The following ZDHHC20 variants were observed in gnomAD, a reference collection of about 807,000 sequenced individuals.
ZDHHC20 encodes palmitoyltransferase ZDHHC20.
A neutral mutation model predicts 57.8 loss-of-function variants in ZDHHC20; 43 were observed. The observed-to-expected ratio is 0.74, with a 90% CI of 0.58 to 0.96. The LOEUF is 0.96. ZDHHC20 is among the 40% of genes least tolerant of loss of function. The pLI, the probability that ZDHHC20 is intolerant of heterozygous loss-of-function variation, is 0.00. For synonymous variants in ZDHHC20, 157 were observed against 153.0 expected, an observed-to-expected ratio of 1.03 and a Z score of -0.19; for missense variants, 391 against 441.1, an observed-to-expected ratio of 0.89 and a Z score of 1.02.
chr13:21,457,619 G>A (rs146155988), intron 1 of ZDHHC20, among the ~76,000 whole-genome samples: 117 of 152,314 alleles, frequency 7.7e-4, no homozygotes, highest in Admixed American at 1.5e-3. Flanking sequence ...TGCAGGGATA[G>A]TCGTCCCAAA....
intron 1 of ZDHHC20, among the ~76,000 whole-genome samples, chr13:21,439,940 G>A (rs1034475177): frequency 2.0e-5 from 3 of 151,768 alleles, no homozygotes; most frequent in Non-Finnish European, 2.9e-5. Flanking sequence ...GGTGGCATGC[G>A]CCTGTAATCC....
rs1221748640 is a variant in ZDHHC20, at chr13:21,374,350, G to A, written c.*2346C>T. ...AGTGATTCTCCTGCCTCCACCTCCC[G>A]AGTAGTTGGGACTACAGGCGTGTGC... On this transcript the variant is annotated 3_prime_UTR_variant, in exon 13 of 13. Transcript: ENST00000400590. The A allele has an allele frequency of 6.7e-6, 3 of 447,176 alleles. No homozygotes were observed. The highest frequency in any genetic ancestry group is 1.4e-5 in the Non-Finnish European group (3 of 221,100). The allele number at this position is 447,176 out of a possible 1,614,324, so 27.7% of individuals were successfully genotyped here. A position where few individuals can be genotyped will look rare whatever the true frequency, so the allele number is the denominator to read the frequency against.
intron 7 of ZDHHC20, among the ~76,000 whole-genome samples, chr13:21,398,622 G>T (rs143990104): frequency 1.1e-3 from 162 of 152,272 alleles, no homozygotes; most frequent in African/African-American, 3.2e-3. Context: ...CTATACCTCA[G>T]TTTCATACAG....
chr13:21,432,936 C>T (rs184391689), intron 1 of ZDHHC20, among the ~76,000 whole-genome samples: 9 of 152,288 alleles, frequency 5.9e-5, no homozygotes, highest in South Asian at 2.1e-4. Context: ...ACTGACTATA[C>T]GTGTAAGGGT....
intron 2 of ZDHHC20, among the ~76,000 whole-genome samples, chr13:21,424,018 T>C (rs994427326): frequency 6.6e-6 from 1 of 152,144 alleles, no homozygotes; most frequent in Non-Finnish European, 1.5e-5. Context: ...GAATATTTCC[T>C]TTCTTCATGA....
chr13:21,455,687 T>C (rs1884867223), intron 1 of ZDHHC20, among the ~76,000 whole-genome samples: 1 of 151,298 alleles, frequency 6.6e-6, no homozygotes. Flanking sequence ...ATTACACAAT[T>C]AGCAAGTTAC....
intron 5 of ZDHHC20, among the ~76,000 whole-genome samples, 168 bp downstream of exon 5, chr13:21,402,629 T>C (rs1044872870): frequency 1.3e-5 from 2 of 152,228 alleles, no homozygotes; most frequent in African/African-American, 4.8e-5. Context: ...TGTGAGTATA[T>C]TCCAGCTTTT....
chr13:21,435,932 C>T (rs1049918810), intron 1 of ZDHHC20, among the ~76,000 whole-genome samples: 3 of 152,168 alleles, frequency 2.0e-5, no homozygotes, highest in South Asian at 2.1e-4. Flanking sequence ...GCTAAGGGAG[C>T]AATCTCACTG....
chr13:21,392,490 C>G (rs1281780159), intron 7 of ZDHHC20, among the ~76,000 whole-genome samples: 2 of 152,184 alleles, frequency 1.3e-5, no homozygotes, highest in Non-Finnish European at 2.9e-5. Flanking sequence ...CTACTTTTTT[C>G]ATCTGTATGT....
At chr13:21,452,924 AAAG>A (rs759300126) in intron 1 of ZDHHC20, among the ~76,000 whole-genome samples, 14 of 152,222 alleles carry the variant, frequency 9.2e-5, no homozygotes, top group Non-Finnish European at 1.9e-4. Flanking sequence ...AAAATGGAAC[AAAG>A]AAGAGGACAG....
intron 4 of ZDHHC20, among the ~76,000 whole-genome samples, chr13:21,411,140 C>T (rs983471034): frequency 3.3e-5 from 5 of 152,180 alleles, no homozygotes; most frequent in Non-Finnish European, 5.9e-5. Flanking sequence ...TTGTGCTTCC[C>T]GGGTGAGGCG....
chr13:21,446,109 T>C (rs1236592209), intron 1 of ZDHHC20, among the ~76,000 whole-genome samples: 1 of 152,220 alleles, frequency 6.6e-6, no homozygotes, highest in Non-Finnish European at 1.5e-5. Context: ...TAGAGCCTTA[T>C]ATATTTTCAA....
chr13:21,391,630 T>G, intron 8 of ZDHHC20, 92 bp downstream of exon 8: 1 of 1,362,688 alleles, frequency 7.3e-7, no homozygotes, highest in South Asian at 1.4e-5. Flanking sequence ...TGTCTTACAC[T>G]TCTGTATCAT....
At chr13:21,435,252 G>A (rs1270386469) in intron 1 of ZDHHC20, among the ~76,000 whole-genome samples, 1 of 149,476 alleles carries the variant, frequency 6.7e-6, no homozygotes, top group African/African-American at 2.5e-5. Flanking sequence ...TTTTTCTATT[G>A]TGCTTGGTGA....
Position 21,375,089 on chromosome 13 carries a change from CCG to C in ZDHHC20, c.*1605_*1606del. ...GCAGAGGTTGCAGCGAGCCAAGATC[CCG>C]CCACTGCACTCCTGCCTGGGAGACA... On this transcript the variant is annotated 3_prime_UTR_variant, in exon 13 of 13. Transcript: ENST00000400590. 1 of 454,398 alleles carries C rather than the reference CCG, an allele frequency of 2.2e-6. No homozygotes were observed. Among genetic ancestry groups the C allele is most frequent in the Non-Finnish European group, 4.4e-6 (1 of 226,230 alleles). The allele number at this position is 454,398 out of a possible 1,614,324, so 28.1% of individuals were successfully genotyped here.
rs1875789313 is a variant in ZDHHC20 at position 21,391,869 on chromosome 13, A to T, written c.595-15T>A. On this transcript the variant is annotated splice_polypyrimidine_tract_variant and intron_variant, in intron 7 of 12. Coordinates refer to ENST00000400590, the MANE Select transcript of ZDHHC20 (RefSeq NM_001330059.2). ...GTCAGTTCATTCTGAGGAAAAAAAG[A>T]AGTTAATTTTGAGGTCAACCTCTAA... 1.9e-6 allele frequency: 3 copies of T among 1,603,528 alleles called. No individual in the cohort carries two copies. Among genetic ancestry groups the T allele is most frequent in the Middle Eastern group, 1.7e-4 (1 of 6,036 alleles).
At chr13:21,401,739 A>G in intron 5 of ZDHHC20, 54 bp from the exon 6 acceptor site, 2 of 1,433,346 alleles carry the variant, frequency 1.4e-6, no homozygotes, top group Non-Finnish European at 1.8e-6. Flanking sequence ...TTCTAATTCT[A>G]ACTTCTCATA....
intron 8 of ZDHHC20, among the ~76,000 whole-genome samples, chr13:21,391,106 G>A (rs1462313264): frequency 6.6e-6 from 1 of 151,210 alleles, no homozygotes; most frequent in Non-Finnish European, 1.5e-5. Context: ...GTGCAATGGT[G>A]CAATTTTGGC....
intron 5 of ZDHHC20, 62 bp from the exon 6 acceptor site, chr13:21,401,747 A>G: frequency 7.1e-7 from 1 of 1,416,016 alleles, no homozygotes; most frequent in South Asian, 1.5e-5. Context: ...CTAACTTCTC[A>G]TAATTTTCTT....
Sources: gnomAD v4.1 joint callset for allele counts (sites outside exome capture counted in the v4.1 genomes callset) on GRCh38, gnomAD v4.1.1 for gene constraint, MANE v1.5 for transcripts, NCBI Gene and HGNC (gene_info 2026-07-23, HGNC 2026-07-21) for gene names.